MYMX: variants seen among roughly 807,000 people sequenced by gnomAD.
MYMX encodes myomixer, myoblast fusion factor.
chr6:44,215,807 A>C (rs1440341004), upstream of MYMX, among the ~76,000 whole-genome samples: 1 of 151,746 alleles, frequency 6.6e-6, no homozygotes, highest in Non-Finnish European at 1.5e-5. Flanking sequence ...AGGCAGGAGA[A>C]TCGCTTGAAC....
the MYMX span, among the ~76,000 whole-genome samples, chr6:44,209,299 T>C: frequency 1.1e-3 from 161 of 152,152 alleles, 1 homozygote; most frequent in African/African-American, 3.7e-3. Context: ...CCCCAAAAGA[T>C]TGATCTCTGA....
At chr6:44,192,811 T>C in the MYMX span, among the ~76,000 whole-genome samples, 1 of 152,190 alleles carries the variant, frequency 6.6e-6, no homozygotes, top group African/African-American at 2.4e-5. Flanking sequence ...TCTTTTTCTG[T>C]CTTGTAATTT....
At chr6:44,197,756 T>C in the MYMX span, among the ~76,000 whole-genome samples, 2 of 152,286 alleles carry the variant, frequency 1.3e-5, no homozygotes, top group African/African-American at 4.8e-5. Flanking sequence ...GATTATATTA[T>C]ATTATGTTTT....
upstream of MYMX, among the ~76,000 whole-genome samples, chr6:44,212,871 A>C (rs1192366573): frequency 1.3e-5 from 2 of 151,666 alleles, no homozygotes; most frequent in Non-Finnish European, 2.9e-5. Context: ...AAAAAAAAAA[A>C]AAAAACAAAA....
the MYMX span, among the ~76,000 whole-genome samples, chr6:44,205,987 A>AAC: frequency 2.1e-5 from 3 of 142,424 alleles, no homozygotes; most frequent in Non-Finnish European, 4.6e-5. Flanking sequence ...CTCAAAAAAA[A>AAC]AAAAACAAAA....
chr6:44,205,642 C>T, the MYMX span, among the ~76,000 whole-genome samples: 3 of 152,040 alleles, frequency 2.0e-5, no homozygotes, highest in African/African-American at 7.2e-5. Context: ...AACCCCATCT[C>T]TACTAAAAAT....
In MYMX at chr6:44,218,153, A is replaced by C; in HGVS notation, c.*427A>C. 1 of 159,248 alleles carries C rather than the reference A, an allele frequency of 6.3e-6. No individual in the cohort carries two copies. The allele number at this position is 159,248 out of a possible 1,614,324, so 9.9% of individuals were successfully genotyped here. ...GACTCAGGACCTACCTTAAAATAATATCTGAGTTGCTTATGGAGGCAGACC... is the reference window on the plus strand; with the variant it reads ...GACTCAGGACCTACCTTAAAATAATCTCTGAGTTGCTTATGGAGGCAGACC... On this transcript the variant is annotated 3_prime_UTR_variant, in exon 2 of 2. Transcript: ENST00000573382.
chr6:44,215,074 C>A (rs548000657), upstream of MYMX, among the ~76,000 whole-genome samples: 38 of 152,266 alleles, frequency 2.5e-4, 1 homozygote, highest in South Asian at 7.1e-3. Context: ...GTGGGACAGG[C>A]CTTTTTGACC....
At chr6:44,192,779 G>A in the MYMX span, among the ~76,000 whole-genome samples, 1 of 152,236 alleles carries the variant, frequency 6.6e-6, no homozygotes, top group Non-Finnish European at 1.5e-5. Context: ...AAGTGTCCTG[G>A]ACTCCTAAGG....
In MYMX at chr6:44,217,492, G is replaced by T. The variant is rs1314498911; in HGVS notation, c.21G>T (p.Pro7=). Residue 7 remains proline, a synonymous_variant, in exon 2 of 2, where the codon CCG becomes CCT. Transcript: ENST00000573382. ...CTGCCATGCCCACGCCACTGCTCCCGCTGCTGCTTCGATTGCTGCTGTCCT... is the reference window on the plus strand; with the variant it reads ...CTGCCATGCCCACGCCACTGCTCCCTCTGCTGCTTCGATTGCTGCTGTCCT... The part of the protein sequence containing the change: MPTPLL[P]LLLRLLLSCL... 4.9e-6 allele frequency: 2 copies of T among 404,108 alleles called. No homozygotes were observed. Among genetic ancestry groups the T allele is most frequent in the Non-Finnish European group, 8.7e-6 (2 of 229,098 alleles). The allele number at this position is 404,108 out of a possible 1,614,324, so 25.0% of individuals were successfully genotyped here.
the MYMX span, among the ~76,000 whole-genome samples, chr6:44,211,218 C>T: frequency 6.7e-6 from 1 of 150,340 alleles, no homozygotes; most frequent in African/African-American, 2.4e-5. Flanking sequence ...TAACTGCTTA[C>T]TTCCTAGTTT....
upstream of MYMX, among the ~76,000 whole-genome samples, chr6:44,214,609 G>A (rs533775075): frequency 2.3e-4 from 35 of 152,274 alleles, no homozygotes; most frequent in Admixed American, 1.6e-3. Flanking sequence ...GTCTCACTCC[G>A]TTGCCCAGAC....
chr6:44,206,252 G>C, the MYMX span, among the ~76,000 whole-genome samples: 3 of 151,886 alleles, frequency 2.0e-5, no homozygotes, highest in African/African-American at 7.3e-5. Context: ...TATTTTTTGA[G>C]ATAGAGTCTC....
chr6:44,209,664 A>G, the MYMX span: 1 of 152,266 alleles, frequency 6.6e-6, no homozygotes, highest in South Asian at 2.1e-4. Flanking sequence ...CTGTAATCCC[A>G]TCACTTTGGG....
At chr6:44,193,740 T>C in the MYMX span, among the ~76,000 whole-genome samples, 1 of 152,224 alleles carries the variant, frequency 6.6e-6, no homozygotes, top group Non-Finnish European at 1.5e-5. Flanking sequence ...CCCAGCACTT[T>C]GGGAGGCCAA....
chr6:44,216,652 CAAAA>C (rs547725984), upstream of MYMX, among the ~76,000 whole-genome samples: 35 of 117,244 alleles, frequency 3.0e-4, no homozygotes, highest in Middle Eastern at 4.4e-3. Context: ...AACTCTGTCT[CAAAA>C]AAAAAAAAAA....
At chr6:44,202,035 G>A in the MYMX span, among the ~76,000 whole-genome samples, 2 of 152,116 alleles carry the variant, frequency 1.3e-5, no homozygotes, top group African/African-American at 4.8e-5. Context: ...GTGGCCTGTC[G>A]CAGCATGCTC....
the MYMX span, among the ~76,000 whole-genome samples, chr6:44,192,952 C>T: frequency 2.6e-5 from 4 of 152,114 alleles, no homozygotes; most frequent in Non-Finnish European, 5.9e-5. Context: ...CTAACGTGAC[C>T]GCTTCCTATT....
At chr6:44,215,379 C>G (rs1419547945), upstream of MYMX, among the ~76,000 whole-genome samples, 1 of 151,816 alleles carries the variant, frequency 6.6e-6, no homozygotes, top group Non-Finnish European at 1.5e-5. Flanking sequence ...TAGAGACCAG[C>G]TTGGGCAACA....
Sources: gnomAD v4.1 joint callset for allele counts (sites outside exome capture counted in the v4.1 genomes callset) on GRCh38, gnomAD v4.1.1 for gene constraint, MANE v1.5 for transcripts, NCBI Gene and HGNC (gene_info 2026-07-23, HGNC 2026-07-21) for gene names.